The following TMEM161B variants were observed in gnomAD, a reference collection of about 807,000 sequenced individuals.
TMEM161B encodes transmembrane protein 161B.
Under a neutral mutation model 61.8 loss-of-function variants are expected in TMEM161B, and 34 were observed. The ratio of observed to expected loss-of-function variants is 0.55; its 90% CI spans 0.42 to 0.73. The LOEUF is 0.73. TMEM161B is among the 30% of genes least tolerant of loss of function. TMEM161B has a pLI of 0.00. For missense variants in TMEM161B, 456 were observed against 558.5 expected, an observed-to-expected ratio of 0.82 and a Z score of 1.85; for synonymous variants, 167 against 192.8, an observed-to-expected ratio of 0.87 and a Z score of 1.11.
intron 2 of TMEM161B, among the ~76,000 whole-genome samples, chr5:88,234,219 G>A (rs1355922848): frequency 6.6e-6 from 1 of 152,138 alleles, no homozygotes; most frequent in Non-Finnish European, 1.5e-5. Flanking sequence ...CAAATTTAAA[G>A]ATAAAGAAGA....
intron 4 of TMEM161B, chr5:88,221,261 G>A (rs1456449129): frequency 1.2e-5 from 2 of 165,360 alleles, no homozygotes; most frequent in African/African-American, 2.4e-5. Flanking sequence ...GCTCACGCCT[G>A]TAATCCCAGC....
chr5:88,223,790 G>C (rs570539554), intron 4 of TMEM161B, among the ~76,000 whole-genome samples: 191 of 152,228 alleles, frequency 1.3e-3, no homozygotes, highest in African/African-American at 4.4e-3. Context: ...TCAGGAGGCT[G>C]AGGCAGGAGA....
downstream of TMEM161B, among the ~76,000 whole-genome samples, chr5:88,190,760 T>C (rs1444536063): frequency 3.9e-5 from 6 of 152,236 alleles, no homozygotes; most frequent in Non-Finnish European, 5.9e-5. Context: ...TCTGATATAG[T>C]TGCATTCATT....
rs1561318016 is a variant in TMEM161B, at chr5:88,205,968, T to G, written c.660-14A>C. 1 of 1,557,072 alleles carries G rather than the reference T, an allele frequency of 6.4e-7. No individual in the cohort carries two copies. Among genetic ancestry groups the G allele is most frequent in the East Asian group, 2.3e-5 (1 of 43,674 alleles). ...GAAACAGGACTCCTAAAAATAAAAT[T>G]TTTTAAAAAGCTGATAAATTTTTAT... is the stretch of plus-strand genomic sequence containing the variant. On this transcript the variant is annotated splice_polypyrimidine_tract_variant and intron_variant, in intron 7 of 11. Transcript: ENST00000296595.
At chr5:88,238,643 T>C (rs986683247) in intron 2 of TMEM161B, among the ~76,000 whole-genome samples, 1 of 152,048 alleles carries the variant, frequency 6.6e-6, no homozygotes, top group Non-Finnish European at 1.5e-5. Flanking sequence ...AACTGCATCA[T>C]ATGATTTAAA....
At chr5:88,206,663 T>A (rs1745560294) in intron 6 of TMEM161B, among the ~76,000 whole-genome samples, 164 bp from the exon 7 acceptor site, 1 of 152,092 alleles carries the variant, frequency 6.6e-6, no homozygotes, top group South Asian at 2.1e-4. Flanking sequence ...GCAATAAAAT[T>A]TGGTTATTAG....
At chr5:88,217,905 GA>G (rs5869420) in intron 5 of TMEM161B, among the ~76,000 whole-genome samples, 104,133 of 133,954 alleles carry the variant, frequency 0.78, 39,296 homozygotes, top group South Asian at 0.84. Context: ...ATACTAGGCA[GA>G]AAAAAAAAAA....
At chr5:88,242,738 T>C (rs1341569312) in intron 1 of TMEM161B, among the ~76,000 whole-genome samples, 1 of 151,758 alleles carries the variant, frequency 6.6e-6, no homozygotes, top group Admixed American at 6.6e-5. Flanking sequence ...TTGTTTTTAT[T>C]GTCACTGTTA....
At chr5:88,188,656 A>G (rs1748515371), downstream of TMEM161B, among the ~76,000 whole-genome samples, 1 of 152,142 alleles carries the variant, frequency 6.6e-6, no homozygotes, top group Non-Finnish European at 1.5e-5. Context: ...CTCCTCAGAC[A>G]CTGGATTAAA....
At chr5:88,236,664 G>A (rs1368242958) in intron 2 of TMEM161B, among the ~76,000 whole-genome samples, 1 of 152,192 alleles carries the variant, frequency 6.6e-6, no homozygotes, top group Admixed American at 6.5e-5. Flanking sequence ...AAGAGACAGT[G>A]TGAGGGCATT....
chr5:88,209,016 T>A (rs963576211), intron 5 of TMEM161B, among the ~76,000 whole-genome samples: 1 of 152,216 alleles, frequency 6.6e-6, no homozygotes, highest in African/African-American at 2.4e-5. Flanking sequence ...AAATTTTGAC[T>A]GCATTTTAAC....
chr5:88,199,661 A>C (rs1227582727), intron 9 of TMEM161B: 2 of 152,174 alleles, frequency 1.3e-5, no homozygotes, highest in African/African-American at 4.8e-5. Flanking sequence ...AGATTCCTCT[A>C]CAACAATTCA....
intron 1 of TMEM161B, among the ~76,000 whole-genome samples, chr5:88,268,438 G>A (rs1310862428): frequency 1.3e-5 from 2 of 152,150 alleles, no homozygotes; most frequent in Non-Finnish European, 1.5e-5. Flanking sequence ...GGCGCCACAG[G>A]CCATACACAG....
chr5:88,187,598 T>C (rs889672890), downstream of TMEM161B, among the ~76,000 whole-genome samples: 17 of 152,170 alleles, frequency 1.1e-4, no homozygotes, highest in African/African-American at 3.9e-4. Flanking sequence ...ATTACTAATT[T>C]TTCAAGTGTT....
chr5:88,210,857 G>A (rs1255573962), intron 5 of TMEM161B, among the ~76,000 whole-genome samples: 1 of 152,088 alleles, frequency 6.6e-6, no homozygotes. Context: ...GCTTTTAGAG[G>A]CCATCTCTTA....
rs578091042 is a variant in TMEM161B at position 88,201,558 on chromosome 5, C to T, written c.914+1404G>A. 3 of 152,088 alleles carry T rather than the reference C, an allele frequency of 2.0e-5. No individual in the cohort carries two copies. The East Asian group carries it at 5.8e-4, about 29-fold the overall frequency. 9.4% of individuals were successfully genotyped at this position (152,088 alleles called of 1,614,324 possible). On this transcript the variant is annotated intron_variant, in intron 9 of 11. Transcript: ENST00000296595. ...CTGGTATATAAGTGTTTTATAAATGCTAGTTTCCTTATTTTCTCAATTTAA... is the reference window on the plus strand; with the variant it reads ...CTGGTATATAAGTGTTTTATAAATGTTAGTTTCCTTATTTTCTCAATTTAA...
intron 1 of TMEM161B, among the ~76,000 whole-genome samples, chr5:88,266,996 T>A (rs1756460690): frequency 6.6e-6 from 1 of 152,232 alleles, no homozygotes; most frequent in African/African-American, 2.4e-5. Flanking sequence ...CTACTTCTAG[T>A]ATTCCAAAAC....
chr5:88,213,691 A>G (rs911968718), intron 5 of TMEM161B, among the ~76,000 whole-genome samples: 5 of 152,214 alleles, frequency 3.3e-5, no homozygotes, highest in Non-Finnish European at 7.3e-5. Context: ...AACAGAAATA[A>G]TGTCCTATTA....
At chr5:88,194,477 T>C (rs1305053935), downstream of TMEM161B, among the ~76,000 whole-genome samples, 3 of 152,104 alleles carry the variant, frequency 2.0e-5, no homozygotes, top group African/African-American at 7.2e-5. Flanking sequence ...CTCTTTTTGA[T>C]ACAATGATTG....
Sources: allele counts gnomAD v4.1 joint callset (sites outside exome capture counted in the v4.1 genomes callset), GRCh38; gene constraint gnomAD v4.1.1; transcripts MANE v1.5; gene names NCBI Gene and HGNC (gene_info 2026-07-23, HGNC 2026-07-21).